The following GRXCR2 variants were observed in gnomAD, a reference collection of about 807,000 sequenced individuals.
GRXCR2 encodes glutaredoxin domain-containing cysteine-rich protein 2.
A neutral mutation model predicts 24.8 loss-of-function variants in GRXCR2; 23 were observed. That is an observed-to-expected ratio of 0.93 (90% CI 0.67 to 1.32). The LOEUF is 1.32. Among genes scored for constraint, GRXCR2 ranks in the 40% most tolerant of loss-of-function variants. GRXCR2 has a pLI of 0.00. For synonymous variants in GRXCR2, 130 were observed against 116.1 expected (o/e 1.12, Z -0.77); for missense variants, 315 against 303.4 (o/e 1.04, Z -0.28).
intron 2 of GRXCR2, among the ~76,000 whole-genome samples, chr5:145,896,662 A>T (rs1411201179): frequency 6.6e-6 from 1 of 152,200 alleles, no homozygotes; most frequent in Admixed American, 6.5e-5. Flanking sequence ...GTGGAGAAAT[A>T]GGAACACTTT....
At chr5:145,912,408 T>C (rs1757178202) in intron 2 of GRXCR2, among the ~76,000 whole-genome samples, 1 of 151,986 alleles carries the variant, frequency 6.6e-6, no homozygotes, top group African/African-American at 2.4e-5. Context: ...ATTCAGCAAA[T>C]AACTACAGTA....
At chr5:145,871,157 C>T (rs2149911580) in intron 1 of GRXCR2, among the ~76,000 whole-genome samples, 1 of 152,236 alleles carries the variant, frequency 6.6e-6, no homozygotes, top group Admixed American at 6.5e-5. Context: ...AATTTATCTA[C>T]TGTGGCCTTG....
In GRXCR2 at chr5:145,872,935, T is replaced by C; in HGVS notation, c.34A>G (p.Ser12Gly). The change falls in exon 1 of 3, where the codon AGT becomes GGT. Residue 12 changes from serine to glycine, a missense_variant. Coordinates refer to ENST00000377976, the MANE Select transcript of GRXCR2 (RefSeq NM_001080516.2). Reference sequence around the variant, plus strand: ...CGTACTTTCCGGGGTTTGCCATCACTCTTCTGATTCAGCTTTTTCTCAGGG... The same window carrying C: ...CGTACTTTCCGGGGTTTGCCATCACCCTTCTGATTCAGCTTTTTCTCAGGG... The part of the protein sequence containing the change: ...EDPEKKLNQK[S>G]DGKPRKVRFK... 2 of 1,614,106 alleles carry C rather than the reference T, an allele frequency of 1.2e-6. No homozygotes were observed. The highest frequency in any genetic ancestry group is 1.7e-6 in the Non-Finnish European group (2 of 1,179,940).
At chr5:145,876,789 G>A (rs1333485773), upstream of GRXCR2, among the ~76,000 whole-genome samples, 5 of 152,132 alleles carry the variant, frequency 3.3e-5, no homozygotes, top group African/African-American at 1.2e-4. Flanking sequence ...TCAGACGTTG[G>A]TGTTTCCAGA....
chr5:145,901,870 A>T (rs1029603920), intron 2 of GRXCR2, among the ~76,000 whole-genome samples: 1 of 152,242 alleles, frequency 6.6e-6, no homozygotes, highest in African/African-American at 2.4e-5. Flanking sequence ...GATTGCAAAC[A>T]TCTGCTGCAG....
At chr5:145,922,110 T>G (rs867764581) in intron 2 of GRXCR2, among the ~76,000 whole-genome samples, 1 of 152,176 alleles carries the variant, frequency 6.6e-6, no homozygotes, top group Non-Finnish European at 1.5e-5. Flanking sequence ...CATCCCAGAC[T>G]GCTTTGCCAA....
At chr5:145,888,549 A>AT (rs1192190143) in intron 2 of GRXCR2, among the ~76,000 whole-genome samples, 5 of 152,120 alleles carry the variant, frequency 3.3e-5, no homozygotes, top group African/African-American at 1.2e-4. Flanking sequence ...CATATGCTTA[A>AT]TTTTTTTCAA....
chr5:145,869,588 T>C (rs1232799716), intron 1 of GRXCR2, among the ~76,000 whole-genome samples: 2 of 149,958 alleles, frequency 1.3e-5, no homozygotes, highest in Admixed American at 6.7e-5. Context: ...GACGGAGTCT[T>C]GCTCTGTCAC....
At chr5:145,913,594 C>T (rs7715435) in intron 2 of GRXCR2, among the ~76,000 whole-genome samples, 21,243 of 152,104 alleles carry the variant, frequency 0.14, 1,979 homozygotes, top group African/African-American at 0.24. Context: ...AAATTTTCTC[C>T]TTTTTCTGAG....
chr5:145,908,399 G>T (rs1757119476), intron 2 of GRXCR2, among the ~76,000 whole-genome samples: 1 of 152,154 alleles, frequency 6.6e-6, no homozygotes, highest in African/African-American at 2.4e-5. Context: ...CAGGCAAAGA[G>T]AGTGATGCTG....
At chr5:145,905,905 T>C (rs1272976554) in intron 2 of GRXCR2, among the ~76,000 whole-genome samples, 1 of 152,130 alleles carries the variant, frequency 6.6e-6, no homozygotes, top group East Asian at 1.9e-4. Context: ...AGCGTTTCCA[T>C]AGCAAAGAGA....
chr5:145,903,809 G>T (rs1474620170), intron 2 of GRXCR2, among the ~76,000 whole-genome samples: 1 of 152,188 alleles, frequency 6.6e-6, no homozygotes, highest in African/African-American at 2.4e-5. Flanking sequence ...TTTTTCTGGA[G>T]CAGGCACACA....
At chr5:145,929,966 A>G (rs972926006) in intron 2 of GRXCR2, among the ~76,000 whole-genome samples, 2 of 152,174 alleles carry the variant, frequency 1.3e-5, no homozygotes, top group African/African-American at 4.8e-5. Context: ...CAAAAGGAAT[A>G]ACACTGAATC....
chr5:145,927,454 G>A (rs1257948171), intron 2 of GRXCR2, among the ~76,000 whole-genome samples: 2 of 152,134 alleles, frequency 1.3e-5, no homozygotes, highest in South Asian at 2.1e-4. Context: ...GTTGAATTGT[G>A]TCAAAGGCCT....
chr5:145,901,707 A>G (rs545495759), intron 2 of GRXCR2, among the ~76,000 whole-genome samples: 1 of 152,314 alleles, frequency 6.6e-6, no homozygotes, highest in South Asian at 2.1e-4. Flanking sequence ...GGAGGGATCT[A>G]GGAGAACATG....
At chr5:145,891,102 C>T (rs1475349273) in intron 2 of GRXCR2, among the ~76,000 whole-genome samples, 1 of 152,142 alleles carries the variant, frequency 6.6e-6, no homozygotes, top group East Asian at 1.9e-4. Flanking sequence ...CATTAGAGCA[C>T]CCAGATTCAT....
chr5:145,927,149 A>G (rs1757410522), intron 2 of GRXCR2, among the ~76,000 whole-genome samples: 1 of 152,202 alleles, frequency 6.6e-6, no homozygotes, highest in African/African-American at 2.4e-5. Flanking sequence ...GGGGTTTTCT[A>G]CATATACAAT....
intron 2 of GRXCR2, among the ~76,000 whole-genome samples, chr5:145,883,119 T>C (rs1756726604): frequency 6.6e-6 from 1 of 151,742 alleles, no homozygotes; most frequent in Non-Finnish European, 1.5e-5. Context: ...CATGTATACA[T>C]ATGTATCAAA....
chr5:145,907,771 G>A (rs576488886), intron 2 of GRXCR2, among the ~76,000 whole-genome samples: 16 of 152,286 alleles, frequency 1.1e-4, no homozygotes, highest in African/African-American at 3.1e-4. Context: ...GGACAGAGTG[G>A]TGGAGGAGCT....
Sources: allele counts gnomAD v4.1 joint callset (sites outside exome capture counted in the v4.1 genomes callset), GRCh38; gene constraint gnomAD v4.1.1; transcripts MANE v1.5; gene names NCBI Gene and HGNC (gene_info 2026-07-23, HGNC 2026-07-21).